The following TMEM132D variants were observed in gnomAD, a reference collection of about 807,000 sequenced individuals.
TMEM132D encodes transmembrane protein 132D, also known as mature OL transmembrane protein.
TMEM132D carries 21 observed loss-of-function variants against 62.3 expected under a neutral mutation model. That is an observed-to-expected ratio of 0.34 (90% CI 0.24 to 0.49). The LOEUF (loss-of-function observed/expected upper bound fraction) is 0.49. Among genes scored for constraint, TMEM132D ranks in the 20% least tolerant of loss-of-function variants. The pLI is 0.99. For synonymous variants in TMEM132D, 621 were observed against 575.6 expected, an observed-to-expected ratio of 1.08 and a Z score of -1.13; for missense variants, 1,346 against 1,402.8, an observed-to-expected ratio of 0.96 and a Z score of 0.65.
chr12:129,743,614 C>A (rs1320810553), intron 1 of TMEM132D, among the ~76,000 whole-genome samples: 1 of 146,992 alleles, frequency 6.8e-6, no homozygotes, highest in South Asian at 2.1e-4. Flanking sequence ...AATGCATCCC[C>A]CTACAACCAA....
intron 6 of TMEM132D, among the ~76,000 whole-genome samples, chr12:129,083,012 A>G (rs1874503821): frequency 6.6e-6 from 1 of 152,170 alleles, no homozygotes. Context: ...GGCATGAGCC[A>G]CCATGCCTGG....
At chr12:129,384,343 C>T (rs1488571012) in intron 3 of TMEM132D, among the ~76,000 whole-genome samples, 6 of 152,008 alleles carry the variant, frequency 3.9e-5, no homozygotes, top group Non-Finnish European at 5.9e-5. Context: ...CCACGCTGTC[C>T]GAGGTAAATC....
chr12:129,682,859 T>TAC (rs1880816901), intron 2 of TMEM132D: 1 of 81,270 alleles, frequency 1.2e-5, no homozygotes, highest in Admixed American at 1.5e-4. Flanking sequence ...ACTCCATCTC[T>TAC]AAAAAAAAAA....
chr12:129,376,476 A>G, intron 3 of TMEM132D, among the ~76,000 whole-genome samples: 1 of 152,128 alleles, frequency 6.6e-6, no homozygotes, highest in East Asian at 1.9e-4. Flanking sequence ...CCATGATTCA[A>G]TTACCTCCAA....
At chr12:129,587,635 C>T (rs1878067165) in intron 2 of TMEM132D, among the ~76,000 whole-genome samples, 1 of 152,168 alleles carries the variant, frequency 6.6e-6, no homozygotes, top group South Asian at 2.1e-4. Flanking sequence ...GCCTAGCTTT[C>T]TCCTGAGTCA....
At chr12:129,340,167 C>A (rs1320124005) in intron 3 of TMEM132D, among the ~76,000 whole-genome samples, 1 of 152,266 alleles carries the variant, frequency 6.6e-6, no homozygotes, top group East Asian at 1.9e-4. Flanking sequence ...TGTAACCTTA[C>A]GTGATTGTTC....
intron 1 of TMEM132D, among the ~76,000 whole-genome samples, chr12:129,882,527 T>C (rs1231079798): frequency 6.6e-6 from 1 of 152,230 alleles, no homozygotes; most frequent in Non-Finnish European, 1.5e-5. Context: ...GAATAAGTTC[T>C]AGTGGTCTAA....
chr12:129,403,988 A>G (rs1432615829), intron 3 of TMEM132D, among the ~76,000 whole-genome samples: 3 of 152,126 alleles, frequency 2.0e-5, no homozygotes, highest in African/African-American at 7.2e-5. Context: ...ATGGAGAGAA[A>G]TGAGAAAATA....
intron 2 of TMEM132D, among the ~76,000 whole-genome samples, chr12:129,613,528 A>G (rs893287093): frequency 2.6e-5 from 4 of 152,232 alleles, no homozygotes; most frequent in African/African-American, 9.6e-5. Context: ...TTTTGTTCAC[A>G]TCGCTGCTTG....
intron 4 of TMEM132D, among the ~76,000 whole-genome samples, chr12:129,247,172 G>GGGAA (rs1593310641): frequency 1.3e-5 from 2 of 152,130 alleles, no homozygotes; most frequent in East Asian, 3.8e-4. Flanking sequence ...GGTTTTCTTT[G>GGGAA]GGAAGTACAC....
chr12:129,704,248 C>T (rs528808152), intron 1 of TMEM132D, among the ~76,000 whole-genome samples: 1 of 152,248 alleles, frequency 6.6e-6, no homozygotes, highest in Non-Finnish European at 1.5e-5. Context: ...AATAGTTGTC[C>T]GCTGAGTAGA....
chr12:129,722,268 C>G (rs370535127), intron 1 of TMEM132D, among the ~76,000 whole-genome samples: 1 of 152,180 alleles, frequency 6.6e-6, no homozygotes, highest in African/African-American at 2.4e-5. Flanking sequence ...AGAACCTATC[C>G]GGGTTGGGCC....
At chr12:129,248,877 T>G (rs1380701950) in intron 4 of TMEM132D, among the ~76,000 whole-genome samples, 1 of 152,172 alleles carries the variant, frequency 6.6e-6, no homozygotes, top group East Asian at 1.9e-4. Context: ...GACATAGTCT[T>G]GTTCTTTTTT....
intron 3 of TMEM132D, among the ~76,000 whole-genome samples, chr12:129,394,108 G>T (rs917405798): frequency 6.6e-6 from 1 of 152,146 alleles, no homozygotes; most frequent in African/African-American, 2.4e-5. Context: ...TTTGTGGCAC[G>T]GCACGTTTTT....
rs1874457579 is a variant in TMEM132D, at chr12:129,081,789, C to T, written c.1893G>A (p.Met631Ile). The T allele has an allele frequency of 6.2e-7, 1 of 1,612,480 alleles. No homozygotes were observed. The highest frequency in any genetic ancestry group is 1.1e-5 in the South Asian group (1 of 90,910). Residue 631 changes from methionine to isoleucine, a missense_variant, in exon 7 of 9, where the codon ATG becomes ATA. Physicochemically the swap from Met to Ile is conservative, Grantham distance 10. Coordinates refer to ENST00000422113, the MANE Select transcript of TMEM132D (RefSeq NM_133448.3). ...IAKLQGGQILMGQELGMTTIQ... is the reference protein window; with the variant it reads ...IAKLQGGQILIGQELGMTTIQ... Reference sequence around the variant, plus strand: ...TGGTGGTCATCCCAAGCTCCTGCCCCATCAGGATCTGTCCGCCTTGCAGCT... The same window carrying T: ...TGGTGGTCATCCCAAGCTCCTGCCCTATCAGGATCTGTCCGCCTTGCAGCT...
At chr12:129,112,806 A>G (rs1002317344) in intron 5 of TMEM132D, among the ~76,000 whole-genome samples, 8 of 152,182 alleles carry the variant, frequency 5.3e-5, no homozygotes, top group African/African-American at 1.9e-4. Context: ...GTCATCACAG[A>G]AGGTCTTGGT....
intron 4 of TMEM132D, among the ~76,000 whole-genome samples, chr12:129,269,404 TTCCCTTCCTTC>T (rs1258447031): frequency 6.6e-6 from 1 of 150,610 alleles, no homozygotes; most frequent in African/African-American, 2.4e-5. Context: ...TCCCTTCCCC[TTCCCTTCCTTC>T]TTCCTTCCTT....
intron 2 of TMEM132D, among the ~76,000 whole-genome samples, chr12:129,663,121 G>T (rs369003240): frequency 2.8e-4 from 43 of 151,634 alleles, no homozygotes; most frequent in South Asian, 2.3e-3. Flanking sequence ...AAAAGGCATA[G>T]CCCAGCAACG....
At chr12:129,576,148 C>T (rs1276285545) in intron 2 of TMEM132D, among the ~76,000 whole-genome samples, 3 of 151,888 alleles carry the variant, frequency 2.0e-5, no homozygotes, top group Non-Finnish European at 4.4e-5. Flanking sequence ...TGCGTCTTTG[C>T]ATGCAAGCTC....
Sources: gnomAD v4.1 joint callset for allele counts (sites outside exome capture counted in the v4.1 genomes callset) on GRCh38, gnomAD v4.1.1 for gene constraint, MANE v1.5 for transcripts, NCBI Gene and HGNC (gene_info 2026-07-23, HGNC 2026-07-21) for gene names.